Variants in TAF4 observed in about 807,000 individuals in gnomAD.
TAF4 encodes transcription initiation factor TFIID subunit 4.
A neutral mutation model predicts 90.3 loss-of-function variants in TAF4; 9 were observed. The ratio of observed to expected loss-of-function variants is 0.10; its 90% CI spans 0.06 to 0.17. TAF4 has a LOEUF of 0.17. Among genes scored for constraint, TAF4 ranks in the 10% least tolerant of loss-of-function variants. TAF4 has a pLI of 1.00. For synonymous variants in TAF4, 818 were observed against 638.9 expected (o/e 1.28, Z -4.23); for missense variants, 1,351 against 1,370.7 (o/e 0.99, Z 0.23).
At chr20:61,989,463 G>A (rs1482355660) in intron 14 of TAF4, among the ~76,000 whole-genome samples, 1 of 152,132 alleles carries the variant, frequency 6.6e-6, no homozygotes, top group Non-Finnish European at 1.5e-5. Context: ...AAACACAACA[G>A]GGGTCCCGGC....
Position 62,065,191 on chromosome 20 carries a change from G to A in TAF4, c.620C>T (p.Ser207Leu), listed in dbSNP as rs1430738357. 31 of 1,202,164 alleles carry A rather than the reference G, an allele frequency of 2.6e-5. No homozygotes were observed. Among genetic ancestry groups the A allele is most frequent in the Non-Finnish European group, 3.2e-5 (30 of 944,386 alleles). The allele number at this position is 1,202,164 out of a possible 1,614,324, so 74.5% of individuals were successfully genotyped here. A position where few individuals can be genotyped will look rare whatever the true frequency, so the allele number is the denominator to read the frequency against. The stretch of plus-strand genomic sequence containing the variant: ...GACAGCAGGTGCGGCGGCGTGGTGC[G>A]AGTTCAGCAGCGCGGCGCTCCCATT... ...TLNGSAALLNSHHAAAPAVSL... is the reference protein window; with the variant it reads ...TLNGSAALLNLHHAAAPAVSL... The change falls in exon 1 of 15, where the codon TCG becomes TTG. Residue 207 changes from serine (S) to leucine (L), a missense_variant. Around this residue, in one of 9 missense-constraint regions of TAF4, gnomAD observed 782 missense variants for 536.6 expected, o/e 1.46. Coordinates refer to ENST00000252996, the MANE Select transcript of TAF4 (RefSeq NM_003185.4).
chr20:62,056,063 C>G (rs1040790993), intron 1 of TAF4, among the ~76,000 whole-genome samples: 1 of 152,084 alleles, frequency 6.6e-6, no homozygotes, highest in Non-Finnish European at 1.5e-5. Flanking sequence ...AAGGTGAAAC[C>G]CCGTCACTAC....
intron 1 of TAF4, among the ~76,000 whole-genome samples, chr20:62,029,742 C>T (rs1459482067): frequency 6.6e-6 from 1 of 152,096 alleles, no homozygotes; most frequent in African/African-American, 2.4e-5. Context: ...CCCGCCTCTA[C>T]TAAACATACA....
At chr20:62,013,784 T>C (rs1600843801) in intron 2 of TAF4, among the ~76,000 whole-genome samples, 1 of 152,250 alleles carries the variant, frequency 6.6e-6, no homozygotes, top group East Asian at 1.9e-4. Context: ...GTGACAGTCA[T>C]GGGGCCAGAC....
Position 62,000,246 on chromosome 20 carries a change from G to A in TAF4, c.2665C>T (p.His889Tyr), listed in dbSNP as rs2055690584. Residue 889 changes from histidine to tyrosine, a missense_variant, in exon 11 of 15, where the codon CAT becomes TAT. Transcript: ENST00000252996. ...QRRILEIGKKHGITELHPDVV... is the reference protein window; with the variant it reads ...QRRILEIGKKYGITELHPDVV... ...TCTGGATGTAATTCCGTTATACCAT[G>A]TTTTTTACCTAAAGGTCAGGCAAGA... 1 of 1,613,274 alleles carries A rather than the reference G, an allele frequency of 6.2e-7. No individual in the cohort carries two copies. The highest frequency in any genetic ancestry group is 8.5e-7 in the Non-Finnish European group (1 of 1,179,596).
intron 2 of TAF4, among the ~76,000 whole-genome samples, chr20:62,013,798 GAC>G (rs988593154): frequency 1.3e-5 from 2 of 152,230 alleles, no homozygotes; most frequent in African/African-American, 2.4e-5. Flanking sequence ...GCCAGACACA[GAC>G]ACACGCCGGG....
chr20:62,053,324 C>T (rs577517806), intron 1 of TAF4, among the ~76,000 whole-genome samples: 860 of 72,502 alleles, frequency 0.012, 6 homozygotes, highest in Non-Finnish European at 0.02. Context: ...CCCATGAGGC[C>T]GCGGGAGCCG....
At chr20:62,020,846 G>C (rs1247240987) in intron 1 of TAF4, among the ~76,000 whole-genome samples, 2 of 152,228 alleles carry the variant, frequency 1.3e-5, no homozygotes, top group African/African-American at 4.8e-5. Flanking sequence ...GAACAGATGA[G>C]AAAATGTGAA....
chr20:62,009,259 T>A, intron 4 of TAF4, 85 bp from the exon 5 acceptor site: 1 of 1,267,452 alleles, frequency 7.9e-7, no homozygotes, highest in Non-Finnish European at 1.1e-6. Context: ...TATGCATATG[T>A]ACAAAAGATA....
intron 1 of TAF4, among the ~76,000 whole-genome samples, chr20:62,023,092 G>A (rs918511018): frequency 6.6e-6 from 1 of 152,194 alleles, no homozygotes; most frequent in African/African-American, 2.4e-5. Context: ...AACTGACAAG[G>A]TGATTCTGAA....
rs1047614112 is a variant in TAF4, at chr20:62,010,626, T to A, written c.1642-461A>T. On this transcript the variant is annotated intron_variant, in intron 3 of 14. Coordinates refer to ENST00000252996, the MANE Select transcript of TAF4 (RefSeq NM_003185.4). This position sits in a 1 kb window ranked among gnomAD's most constrained non-coding sequence, Gnocchi z 4.5. ...CGGTCAGGGCTCCACAGCCGCAGCC[T>A]CCCATAGGGGAGGGTCCCCAGCTCC... 6.6e-6 allele frequency among the ~76,000 whole-genome samples: 1 copy of A among 152,072 alleles called. No individual in the cohort carries two copies.
rs1312628625 is a variant in TAF4, at chr20:62,065,367, C to A, written c.444G>T (p.Ala148=). 2.1e-6 allele frequency: 2 copies of A among 966,218 alleles called. No homozygotes were observed. The highest frequency in any genetic ancestry group is 2.4e-6 in the Non-Finnish European group (2 of 821,038). The allele number at this position is 966,218 out of a possible 1,614,324, so 59.9% of individuals were successfully genotyped here. The change falls in exon 1 of 15, where the codon GCG becomes GCT. Residue 148 remains alanine (A), a synonymous_variant. Coordinates refer to ENST00000252996, the MANE Select transcript of TAF4 (RefSeq NM_003185.4). ...GGCCGGCGGGGGCGGGCTCGGGCCC[C>A]GCGGCGACGGCGGCGGCGGCGGGCA... ...APVPAAAAVA[A]GPEPAPAGPA...
chr20:62,044,742 AG>A (rs948809598), intron 1 of TAF4, among the ~76,000 whole-genome samples: 4 of 152,232 alleles, frequency 2.6e-5, no homozygotes, highest in Non-Finnish European at 5.9e-5. Flanking sequence ...AATTTACAGG[AG>A]GGGGAGAATG....
At chr20:62,048,475 G>A (rs898600891) in intron 1 of TAF4, among the ~76,000 whole-genome samples, 1 of 152,046 alleles carries the variant, frequency 6.6e-6, no homozygotes, top group Non-Finnish European at 1.5e-5. Context: ...CCTGTCCCCA[G>A]GGTGGACCCT....
At chr20:61,995,418 A>G (rs2055657098) in intron 14 of TAF4, among the ~76,000 whole-genome samples, 1 of 152,240 alleles carries the variant, frequency 6.6e-6, no homozygotes, top group Non-Finnish European at 1.5e-5. Flanking sequence ...AGGACCTCGT[A>G]GACACATCAG....
intron 9 of TAF4, among the ~76,000 whole-genome samples, chr20:62,001,595 G>A (rs927567539): frequency 1.3e-5 from 2 of 152,156 alleles, no homozygotes; most frequent in African/African-American, 4.8e-5. Flanking sequence ...GTGTCTCGGG[G>A]AAGAGCTCTA....
At chr20:62,009,458 C>G (rs1024878105) in intron 4 of TAF4, among the ~76,000 whole-genome samples, 1 of 152,226 alleles carries the variant, frequency 6.6e-6, no homozygotes, top group Non-Finnish European at 1.5e-5. Flanking sequence ...TGCGAAGATG[C>G]CTGCTACAAT....
chr20:62,056,213 G>A (rs984388109), intron 1 of TAF4, among the ~76,000 whole-genome samples: 22 of 152,164 alleles, frequency 1.4e-4, no homozygotes, highest in Admixed American at 1.4e-3. Context: ...CTCCAGCCTG[G>A]GTGATGGAGT....
At chr20:62,038,761 T>C (rs894158608) in intron 1 of TAF4, among the ~76,000 whole-genome samples, 12 of 152,126 alleles carry the variant, frequency 7.9e-5, no homozygotes, top group Admixed American at 5.9e-4. Flanking sequence ...AAGCAAGATA[T>C]CAAGGTATTG....
Sources: gnomAD v4.1 joint callset for allele counts (sites outside exome capture counted in the v4.1 genomes callset) on GRCh38, gnomAD v4.1.1 for gene constraint, gnomAD v4.1.1 regional missense constraint, Gnocchi (gnomAD v3.1) non-coding constraint, MANE v1.5 for transcripts, NCBI Gene and HGNC (gene_info 2026-07-23, HGNC 2026-07-21) for gene names.